Variants in RBM46 observed in about 807,000 individuals in gnomAD.
The protein encoded by RBM46 is probable RNA-binding protein 46.
In RBM46, 12 loss-of-function variants were observed where a neutral mutation model predicts 43.3. The observed-to-expected ratio is 0.28, with a 90% CI of 0.18 to 0.45. RBM46 has a LOEUF of 0.45. RBM46 is among the 20% of genes least tolerant of loss of function. The pLI, the probability that RBM46 is intolerant of heterozygous loss-of-function variation, is 1.00. For synonymous variants in RBM46, 205 were observed against 207.6 expected (o/e 0.99, Z 0.11); for missense variants, 412 against 639.1 (o/e 0.64, Z 3.83).
chr4:154,824,923 G>A lies in RBM46; in HGVS notation c.1403-2945G>A, dbSNP rs533222647. 4.7e-4 allele frequency among the ~76,000 whole-genome samples: 72 copies of A among 151,972 alleles called. No individual in the cohort carries two copies. The South Asian group carries it at 0.015, about 31-fold the overall frequency. ...AGGGTACAGGAAATTTCTGGATTGGGGATATGTTTTATATCTTGTTTTGAG... is the reference window on the plus strand; with the variant it reads ...AGGGTACAGGAAATTTCTGGATTGGAGATATGTTTTATATCTTGTTTTGAG... On this transcript the variant is annotated intron_variant, in intron 4 of 4. Transcript: ENST00000281722.
chr4:154,799,755 C>CTTTTT (rs35629123), intron 4 of RBM46, among the ~76,000 whole-genome samples, 191 bp downstream of exon 4: 56 of 114,610 alleles, frequency 4.9e-4, no homozygotes, highest in Non-Finnish European at 8.2e-4. Flanking sequence ...TTTAGCTTTT[C>CTTTTT]TTTTTTTTTT....
chr4:154,785,334 T>A (rs1216086235), intron 1 of RBM46, among the ~76,000 whole-genome samples: 1 of 151,830 alleles, frequency 6.6e-6, no homozygotes, highest in Non-Finnish European at 1.5e-5. Context: ...ACCCAAAAAA[T>A]AGGTCTGTAA....
chr4:154,811,861 A>G lies in RBM46; in HGVS notation c.1402+12297A>G, dbSNP rs902292722. ...ATGCCTGGCTAATTTTCATATTTTT[A>G]GTAGAGACGGGGTTTCCCTGTGTTG... On this transcript the variant is annotated intron_variant, in intron 4 of 4. Transcript: ENST00000281722. Among the ~76,000 whole-genome samples, 29 of 152,042 alleles carry G rather than the reference A, an allele frequency of 1.9e-4. 1 individual carries two copies. In the South Asian group the frequency reaches 5.8e-3, roughly 30 times the overall value.
chr4:154,817,191 T>TTATAAAC (rs1198019573), intron 4 of RBM46, among the ~76,000 whole-genome samples: 1 of 152,136 alleles, frequency 6.6e-6, no homozygotes, highest in Admixed American at 6.6e-5. Flanking sequence ...TATATAAGAT[T>TTATAAAC]GGTGTTACAT....
intron 4 of RBM46, among the ~76,000 whole-genome samples, chr4:154,807,541 T>C (rs1052640524): frequency 6.6e-6 from 1 of 151,920 alleles, no homozygotes; most frequent in South Asian, 2.1e-4. Context: ...ATTTATTTTA[T>C]GCTTTTAACT....
chr4:154,782,559 C>T (rs1309672838), intron 1 of RBM46, among the ~76,000 whole-genome samples: 1 of 152,206 alleles, frequency 6.6e-6, no homozygotes, highest in East Asian at 1.9e-4. Context: ...TCTCGGCTGA[C>T]TGCAACTTCC....
chr4:154,793,452 C>T (rs1201048431), intron 1 of RBM46, among the ~76,000 whole-genome samples: 1 of 152,130 alleles, frequency 6.6e-6, no homozygotes, highest in African/African-American at 2.4e-5. Flanking sequence ...AGGATAATTT[C>T]AGTAATGCAT....
chr4:154,822,988 G>A (rs1046806685), intron 4 of RBM46, among the ~76,000 whole-genome samples: 2 of 151,732 alleles, frequency 1.3e-5, no homozygotes, highest in Non-Finnish European at 3.0e-5. Flanking sequence ...TTCCTTAGCA[G>A]TATTATAAAT....
At chr4:154,827,486 T>C in intron 4 of RBM46, 1 of 1,005,880 alleles carries the variant, frequency 9.9e-7, no homozygotes, top group Non-Finnish European at 1.2e-6. Context: ...AAAGCAAATA[T>C]GAATTCACTG....
At chr4:154,804,833 T>C (rs1424647773) in intron 4 of RBM46, among the ~76,000 whole-genome samples, 1 of 151,716 alleles carries the variant, frequency 6.6e-6, no homozygotes, top group Non-Finnish European at 1.5e-5. Flanking sequence ...TTTTTTTTTT[T>C]TTTAAACAGG....
chr4:154,789,700 G>A, intron 1 of RBM46, among the ~76,000 whole-genome samples: 1 of 152,192 alleles, frequency 6.6e-6, no homozygotes, highest in African/African-American at 2.4e-5. Context: ...AAATGAGTTA[G>A]GGAGGATTCC....
At chr4:154,789,616 G>A (rs983391359) in intron 1 of RBM46, among the ~76,000 whole-genome samples, 1 of 152,180 alleles carries the variant, frequency 6.6e-6, no homozygotes, top group Admixed American at 6.5e-5. Context: ...GTTCATCAGG[G>A]ATATTGGTCT....
intron 4 of RBM46, among the ~76,000 whole-genome samples, chr4:154,806,183 G>A (rs939305755): frequency 6.6e-6 from 1 of 151,422 alleles, no homozygotes; most frequent in African/African-American, 2.4e-5. Context: ...TGAACATTTA[G>A]CATTACTTAT....
rs763804182 is a variant in RBM46 at position 154,799,219 on chromosome 4, C to T, written c.1057C>T (p.Arg353Cys). ...TLGKLPTLPA[R>C]LNGQHSPSPP... ...AGGCAAGCTGCCAACTCTTCCTGCT[C>T]GTCTCAATGGTCAGCATAGCCCAAG... Residue 353 changes from arginine to cysteine, a missense_variant, in exon 4 of 5, where the codon CGT (arginine) becomes TGT (cysteine). Arg to Cys is a radical substitution (Grantham distance 180). Around this residue, in one of 8 missense-constraint regions of RBM46, gnomAD observed 105 missense variants for 111.0 expected, o/e 0.95. Transcript: ENST00000281722. The T allele has an allele frequency of 1.4e-5, 22 of 1,614,000 alleles. No individual in the cohort carries two copies. The highest frequency in any genetic ancestry group is 8.0e-5 in the African/African-American group (6 of 74,936).
rs951800716 is a variant in RBM46 at position 154,806,018 on chromosome 4, C to A, written c.1402+6454C>A. The stretch of plus-strand genomic sequence containing the variant: ...AATGAGAAATAGGCATCAGGATCAA[C>A]ATTTTACACATTTGTTTTCATATGA... On this transcript the variant is annotated intron_variant, in intron 4 of 4. Coordinates refer to ENST00000281722, the MANE Select transcript of RBM46 (RefSeq NM_144979.5). Among the ~76,000 whole-genome samples, 3 of 151,858 alleles carry A rather than the reference C, an allele frequency of 2.0e-5. No homozygotes were observed. In the South Asian group the frequency reaches 6.2e-4, roughly 32 times the overall value.
chr4:154,799,197 C>T lies in RBM46; in HGVS notation c.1035C>T (p.Gly345=). 2 of 1,614,012 alleles carry T rather than the reference C, an allele frequency of 1.2e-6. No individual in the cohort carries two copies. Among genetic ancestry groups the T allele is most frequent in the Non-Finnish European group, 1.7e-6 (2 of 1,180,026 alleles). Residue 345 remains glycine, a synonymous_variant, in exon 4 of 5, where the codon GGC becomes GGT. Coordinates refer to ENST00000281722, the MANE Select transcript of RBM46 (RefSeq NM_144979.5). The stretch of plus-strand genomic sequence containing the variant: ...AAGAGAGCCACCCAAAAACTCTAGG[C>T]AAGCTGCCAACTCTTCCTGCTCGTC... ...NKEESHPKTL[G]KLPTLPARLN...
chr4:154,799,341 T>C lies in RBM46; in HGVS notation c.1179T>C (p.Ser393=). The change falls in exon 4 of 5, where the codon TCT becomes TCC. Residue 393 remains serine (S), a synonymous_variant. Transcript: ENST00000281722. ...CTTTAAAATCCAATCATTTTAATTC[T>C]GCAGTAATGCATTTGGATTATTACT... ...MYSLKSNHFN[S]AVMHLDYYCN... is the part of the protein sequence containing the mutation. 6.2e-7 allele frequency: 1 copy of C among 1,614,090 alleles called. No individual in the cohort carries two copies. The highest frequency in any genetic ancestry group is 8.5e-7 in the Non-Finnish European group (1 of 1,179,924).
rs528495999 is a variant in RBM46, at chr4:154,823,835, T to C, written c.1403-4033T>C. On this transcript the variant is annotated intron_variant, in intron 4 of 4. Coordinates refer to ENST00000281722, the MANE Select transcript of RBM46 (RefSeq NM_144979.5). ...TATTACCAGTCTCTACTCTTGCTCC[T>C]GTGTCAGATGTGGCATAAGTTGTCA... Among the ~76,000 whole-genome samples, 579 of 152,128 alleles carry C rather than the reference T, an allele frequency of 3.8e-3. 2 individuals are homozygous for C. The highest frequency in any genetic ancestry group is 6.2e-3 in the Non-Finnish European group (419 of 67,864).
intron 4 of RBM46, among the ~76,000 whole-genome samples, chr4:154,824,420 A>G (rs1578956392): frequency 6.6e-6 from 1 of 152,254 alleles, no homozygotes; most frequent in East Asian, 1.9e-4. Context: ...TAGCAGCTTT[A>G]TTCATAATAA....
Sources: allele counts gnomAD v4.1 joint callset (sites outside exome capture counted in the v4.1 genomes callset), GRCh38; gene constraint gnomAD v4.1.1; regional missense constraint gnomAD v4.1.1; transcripts MANE v1.5; gene names NCBI Gene and HGNC (gene_info 2026-07-23, HGNC 2026-07-21).